The following ZNF768 variants were observed in gnomAD, a reference collection of about 807,000 sequenced individuals.
The protein encoded by ZNF768 is zinc finger protein 768.
In ZNF768, 12 loss-of-function variants were observed where a neutral mutation model predicts 39.7. The ratio of observed to expected loss-of-function variants is 0.30; its 90% confidence interval spans 0.19 to 0.49. The LOEUF is 0.49. Among genes scored for constraint, ZNF768 ranks in the 20% least tolerant of loss-of-function variants. The pLI is 0.99. For synonymous variants in ZNF768, 360 were observed against 288.4 expected (o/e 1.25, Z -2.52); for missense variants, 613 against 723.2 (o/e 0.85, Z 1.75).
upstream of ZNF768, among the ~76,000 whole-genome samples, chr16:30,529,028 C>A (rs2051349888): frequency 6.6e-6 from 1 of 152,222 alleles, no homozygotes; most frequent in African/African-American, 2.4e-5. Context: ...GCTGCCCAGG[C>A]ACCCGCATTT....
chr16:30,532,317 A>T, the ZNF768 span: 5 of 698,988 alleles, frequency 7.2e-6, no homozygotes, highest in East Asian at 5.4e-5. Flanking sequence ...TGGAGAGCCC[A>T]GGGCAGCGGG....
In ZNF768 at chr16:30,524,479, C is replaced by G; in HGVS notation, c.*38G>C. 1 of 1,575,152 alleles carries G rather than the reference C, an allele frequency of 6.3e-7. No individual in the cohort carries two copies. The highest frequency in any genetic ancestry group is 8.6e-7 in the Non-Finnish European group (1 of 1,166,346). On this transcript the variant is annotated 3_prime_UTR_variant, in exon 2 of 2. Transcript: ENST00000380412. ...TTCCTCTAGCTCCCTGGCCCCTTAT[C>G]TTCTGCCCACACCTCCCACCCCTGC...
chr16:30,526,102 C>T (rs750964001), intron 1 of ZNF768, 51 bp from the exon 2 acceptor site: 38 of 1,492,752 alleles, frequency 2.5e-5, no homozygotes, highest in Non-Finnish European at 3.4e-5. Context: ...GTCATTTGGT[C>T]CATTAGCAAC....
Position 30,526,353 on chromosome 16 carries a change from T to A in ZNF768, c.61A>T (p.Met21Leu). The A allele has an allele frequency of 1.2e-6, 2 of 1,608,268 alleles. No individual in the cohort carries two copies. Among genetic ancestry groups the A allele is most frequent in the Admixed American group, 1.7e-5 (1 of 59,600 alleles). Reference protein sequence around the residue: ...EPQDVQSSDEMRSPEGYLRGN... With the variant: ...EPQDVQSSDELRSPEGYLRGN... ...CTGAGGTACCCTTCGGGGCTCCTCA[T>A]TTCGTCAGAACTCTGCACATCCTGG... Residue 21 changes from methionine (M) to leucine (L), a missense_variant, in exon 1 of 2, where the codon ATG (methionine) becomes TTG (leucine). By Grantham distance (15) the Met-to-Leu change is conservative. This residue lies in a region of ZNF768 where 347 missense variants were observed against 326.1 expected (regional missense o/e 1.06). Transcript: ENST00000380412.
upstream of ZNF768, among the ~76,000 whole-genome samples, chr16:30,529,258 T>C (rs773262629): frequency 3.3e-5 from 5 of 152,218 alleles, no homozygotes; most frequent in Non-Finnish European, 5.9e-5. Flanking sequence ...CAGGAGAAAC[T>C]TGGGGAGTCC....
upstream of ZNF768, chr16:30,526,714 C>G: frequency 1.1e-6 from 1 of 902,698 alleles, no homozygotes; most frequent in Non-Finnish European, 1.3e-6. Context: ...CGGCGGCCCC[C>G]GGCCCCCGCT....
chr16:30,532,407 T>C, the ZNF768 span: 1 of 1,430,612 alleles, frequency 7.0e-7, no homozygotes, highest in South Asian at 1.2e-5. Flanking sequence ...TGCGGTGGAT[T>C]CTGGGACCTC....
In ZNF768 at chr16:30,526,312, C is replaced by T. The variant is rs957780324; in HGVS notation, c.88+14G>A. 1.9e-6 allele frequency: 3 copies of T among 1,608,258 alleles called. No individual in the cohort carries two copies. The highest frequency in any genetic ancestry group is 1.3e-5 in the African/African-American group (1 of 74,364). Reference sequence around the variant, plus strand: ...CGCGCAAGTCCACTCCTCGGACGGGCGCTCCCTCCTCACCTCTGAGGTACC... The same window carrying T: ...CGCGCAAGTCCACTCCTCGGACGGGTGCTCCCTCCTCACCTCTGAGGTACC... On this transcript the variant is annotated intron_variant, in intron 1 of 1. Transcript: ENST00000380412.
chr16:30,525,019 C>CT lies in ZNF768; in HGVS notation c.1120dup (p.Ser374LysfsTer10). 6.2e-7 allele frequency: 1 copy of CT among 1,614,084 alleles called. No individual in the cohort carries two copies. The highest frequency in any genetic ancestry group is 8.5e-7 in the Non-Finnish European group (1 of 1,180,010). Reference sequence around the variant, plus strand: ...ATAGCACTTGCCGCACTCGGTGCAGCTGTAGGGCCGCTCGTGGCTGTGGGT... The same window carrying CT: ...ATAGCACTTGCCGCACTCGGTGCAGCTTGTAGGGCCGCTCGTGGCTGTGGGT... On this transcript the variant is annotated frameshift_variant, in exon 2 of 2. Transcript: ENST00000380412. LOFTEE classifies it high-confidence loss of function.
rs1313624512 is a variant in ZNF768, at chr16:30,525,622, C to T, written c.518G>A (p.Gly173Asp). The T allele has an allele frequency of 9.9e-6, 16 of 1,614,124 alleles. No homozygotes were observed. Among genetic ancestry groups the T allele is most frequent in the Non-Finnish European group, 1.4e-5 (16 of 1,180,048 alleles). Residue 173 changes from glycine (G) to aspartate (D), a missense_variant, in exon 2 of 2, where the codon GGT becomes GAT. Physicochemically the swap from Gly to Asp is moderately conservative, Grantham distance 94. Around this residue, in one of 4 missense-constraint regions of ZNF768, gnomAD observed 347 missense variants for 326.1 expected, o/e 1.06. Coordinates refer to ENST00000380412, the MANE Select transcript of ZNF768 (RefSeq NM_024671.4). Reference protein sequence around the residue: ...FEAQSSKFQEGAEMLLNPEEK... With the variant: ...FEAQSSKFQEDAEMLLNPEEK... Reference sequence around the variant, plus strand: ...CTCGGGGTTCAGAAGCATCTCCGCACCTTCCTGGAATTTGGAACTTTGAGC... The same window carrying T: ...CTCGGGGTTCAGAAGCATCTCCGCATCTTCCTGGAATTTGGAACTTTGAGC...
chr16:30,532,399 C>A, the ZNF768 span: 5 of 1,346,744 alleles, frequency 3.7e-6, no homozygotes, highest in South Asian at 1.3e-5. Flanking sequence ...CCAGCTCTTG[C>A]GGTGGATTCT....
chr16:30,527,142 C>T (rs2051335102), upstream of ZNF768: 11 of 985,268 alleles, frequency 1.1e-5, no homozygotes, highest in Non-Finnish European at 1.3e-5. Flanking sequence ...CGGTGTCTCG[C>T]TCCCTCCCCT....
Position 30,525,131 on chromosome 16 carries a change from G to A in ZNF768, c.1009C>T (p.Arg337Cys). ...TAGGGCTTCTGGCCAGAGTGAGTGC[G>A]CTGGTGGCGAAGCAGGTAAGAGCTG... ...ADSSYLLRHQ[R>C]THSGQKPYKC... is the part of the protein sequence containing the mutation. Residue 337 changes from arginine (R) to cysteine (C), a missense_variant, in exon 2 of 2, where the codon CGC (arginine) becomes TGC (cysteine). Around this residue, in one of 4 missense-constraint regions of ZNF768, gnomAD observed 22 missense variants for 63.4 expected, o/e 0.35. Transcript: ENST00000380412. 6.2e-7 allele frequency: 1 copy of A among 1,613,952 alleles called. No individual in the cohort carries two copies. Among genetic ancestry groups the A allele is most frequent in the Non-Finnish European group, 8.5e-7 (1 of 1,179,940 alleles).
At position 30,526,034 on chromosome 16, in the gene ZNF768, C is replaced by T; in HGVS notation, c.106G>A (p.Glu36Lys). 1 of 1,497,826 alleles carries T rather than the reference C, an allele frequency of 6.7e-7. No individual in the cohort carries two copies. Among genetic ancestry groups the T allele is most frequent in the Admixed American group, 2.5e-5 (1 of 40,110 alleles). 92.8% of individuals were successfully genotyped at this position (1,497,826 alleles called of 1,614,324 possible). A position where few individuals can be genotyped will look rare whatever the true frequency, so the allele number is the denominator to read the frequency against. Residue 36 changes from glutamate to lysine, a missense_variant, in exon 2 of 2, where the codon GAG (glutamate) becomes AAG (lysine). Physicochemically the swap from Glu to Lys is moderately conservative, Grantham distance 56. Coordinates refer to ENST00000380412, the MANE Select transcript of ZNF768 (RefSeq NM_024671.4). ...TCTTGCTGAGAAATTTCCTCTTCCT[C>T]ATTCTCACTCATGTTGCCTGCAGGA... Reference protein sequence around the residue: ...GYLRGNMSENEEEEISQQEGS... With the variant: ...GYLRGNMSENKEEEISQQEGS...
upstream of ZNF768, chr16:30,528,307 C>A (rs1408386454): frequency 6.6e-6 from 1 of 152,146 alleles, no homozygotes; most frequent in Non-Finnish European, 1.5e-5. Context: ...AATCCCAGCA[C>A]TTTTGGGAGG....
Position 30,526,377 on chromosome 16 carries a change from G to A in ZNF768, c.37C>T (p.Gln13Ter). ...REALPWGLEP[Q>*]DVQSSDEMRS... Reference sequence around the variant, plus strand: ...ATTTCGTCAGAACTCTGCACATCCTGGGGCTCGAGGCCCCACGGCAACGCC... The same window carrying A: ...ATTTCGTCAGAACTCTGCACATCCTAGGGCTCGAGGCCCCACGGCAACGCC... The change falls in exon 1 of 2, where the codon CAG becomes TAG. Residue 13 changes from glutamine (Q) to a stop codon, truncating the protein, a stop_gained. Coordinates refer to ENST00000380412, the MANE Select transcript of ZNF768 (RefSeq NM_024671.4). LOFTEE classifies it high-confidence loss of function. The A allele has an allele frequency of 6.2e-7, 1 of 1,601,530 alleles. No homozygotes were observed. Among genetic ancestry groups the A allele is most frequent in the Non-Finnish European group, 8.5e-7 (1 of 1,175,120 alleles).
chr16:30,527,433 T>A (rs2051337759), upstream of ZNF768: 7 of 612,998 alleles, frequency 1.1e-5, no homozygotes, highest in Non-Finnish European at 1.4e-5. Context: ...GGTTGGCCGA[T>A]GGGGCTCGTG....
rs145386234 is a variant in ZNF768, at chr16:30,525,580, T to C, written c.560A>G (p.Asn187Ser). 737 of 1,614,236 alleles carry C rather than the reference T, an allele frequency of 4.6e-4. No homozygotes were observed. Among genetic ancestry groups the C allele is most frequent in the Non-Finnish European group, 5.6e-4 (655 of 1,180,040 alleles). The stretch of plus-strand genomic sequence containing the variant: ...CAGGGGGTGAACTCCTACGGAGATA[T>C]TCAAAGGACTCTTTTCCTCGGGGTT... ...LLNPEEKSPL[N>S]ISVGVHPLDS... is the part of the protein sequence containing the mutation. Residue 187 changes from asparagine (N) to serine (S), a missense_variant, in exon 2 of 2, where the codon AAT becomes AGT. Coordinates refer to ENST00000380412, the MANE Select transcript of ZNF768 (RefSeq NM_024671.4).
chr16:30,525,891 G>T lies in ZNF768; in HGVS notation c.249C>A (p.Ser83Arg). The change falls in exon 2 of 2, where the codon AGC becomes AGA. Residue 83 changes from serine to arginine, a missense_variant. By Grantham distance (110) the Ser-to-Arg change is moderately radical. Coordinates refer to ENST00000380412, the MANE Select transcript of ZNF768 (RefSeq NM_024671.4). ...EPQSPRFEPE[S>R]PGFESRSPGL... ...CAGGGCTTCGGGACTCAAACCCCGGGCTTTCAGGCTCAAATCTGGGGCTTT... is the reference window on the plus strand; with the variant it reads ...CAGGGCTTCGGGACTCAAACCCCGGTCTTTCAGGCTCAAATCTGGGGCTTT... 3 of 1,519,512 alleles carry T rather than the reference G, an allele frequency of 2.0e-6. No individual in the cohort carries two copies. The highest frequency in any genetic ancestry group is 2.6e-6 in the Non-Finnish European group (3 of 1,137,334). 94.1% of individuals were successfully genotyped at this position (1,519,512 alleles called of 1,614,324 possible). A position where few individuals can be genotyped will look rare whatever the true frequency, so the allele number is the denominator to read the frequency against.
Sources: gnomAD v4.1 joint callset for allele counts (sites outside exome capture counted in the v4.1 genomes callset) on GRCh38, gnomAD v4.1.1 for gene constraint, gnomAD v4.1.1 regional missense constraint, MANE v1.5 for transcripts, NCBI Gene and HGNC (gene_info 2026-07-23, HGNC 2026-07-21) for gene names.